Variants in UHRF2 observed in about 807,000 individuals in gnomAD.
The protein encoded by UHRF2 is E3 ubiquitin-protein ligase UHRF2.
UHRF2 carries 23 observed loss-of-function variants against 96.8 expected under a neutral mutation model. The ratio of observed to expected loss-of-function variants is 0.24; its 90% CI spans 0.17 to 0.34. The LOEUF is 0.34. Among genes scored for constraint, UHRF2 ranks in the 10% least tolerant of loss-of-function variants. UHRF2 has a pLI of 1.00. For synonymous variants in UHRF2, 385 were observed against 332.6 expected (o/e 1.16, Z -1.72); for missense variants, 685 against 981.5 (o/e 0.70, Z 4.04).
chr9:6,414,706 C>G (rs1488708772), intron 1 of UHRF2, among the ~76,000 whole-genome samples: 1 of 152,174 alleles, frequency 6.6e-6, no homozygotes, highest in Non-Finnish European at 1.5e-5. Flanking sequence ...CCTACAGTTG[C>G]AAACTACTTA....
chr9:6,434,666 T>G (rs1006680208), intron 3 of UHRF2, among the ~76,000 whole-genome samples: 7 of 152,214 alleles, frequency 4.6e-5, no homozygotes, highest in Non-Finnish European at 8.8e-5. Flanking sequence ...CTCAAACACC[T>G]GACCTCAAGT....
At chr9:6,473,137 C>A (rs997849176) in intron 4 of UHRF2, among the ~76,000 whole-genome samples, 2 of 152,148 alleles carry the variant, frequency 1.3e-5, no homozygotes, top group Non-Finnish European at 2.9e-5. Context: ...AATATCTTGT[C>A]ATGCAAATAA....
intron 12 of UHRF2, 53 bp from the exon 13 acceptor site, chr9:6,499,782 T>G: frequency 1.2e-5 from 14 of 1,175,096 alleles, no homozygotes; most frequent in East Asian, 3.0e-5. Flanking sequence ...TAAACCCCCC[T>G]TCTCTGTGAA....
intron 4 of UHRF2, among the ~76,000 whole-genome samples, chr9:6,461,999 A>T (rs1052445561): frequency 4.7e-4 from 66 of 139,800 alleles, no homozygotes; most frequent in Admixed American, 4.4e-3. Flanking sequence ...TTTGTTTTTA[A>T]AAAAAAAAAA....
chr9:6,461,746 A>C (rs903886991), intron 4 of UHRF2, among the ~76,000 whole-genome samples: 1 of 152,100 alleles, frequency 6.6e-6, no homozygotes, highest in Non-Finnish European at 1.5e-5. Context: ...TATTTGAGTT[A>C]CTTTTTTACA....
chr9:6,463,273 C>G (rs1433331345), intron 4 of UHRF2, among the ~76,000 whole-genome samples: 1 of 86,912 alleles, frequency 1.2e-5, no homozygotes, highest in Non-Finnish European at 2.2e-5. Flanking sequence ...AAGAGTGAAA[C>G]TTCGTCTCAA....
intron 4 of UHRF2, among the ~76,000 whole-genome samples, chr9:6,465,034 G>C (rs760293028): frequency 6.6e-5 from 10 of 152,006 alleles, no homozygotes; most frequent in Non-Finnish European, 1.5e-4. Flanking sequence ...TTACATTTTT[G>C]TTTTGTCTTT....
chr9:6,472,548 C>G (rs1195166295), intron 4 of UHRF2, among the ~76,000 whole-genome samples: 2 of 152,098 alleles, frequency 1.3e-5, no homozygotes, highest in African/African-American at 4.8e-5. Context: ...TTCAGGAGAA[C>G]TAGGTTCAGA....
At chr9:6,441,737 T>C (rs1821178234) in intron 3 of UHRF2, among the ~76,000 whole-genome samples, 1 of 151,354 alleles carries the variant, frequency 6.6e-6, no homozygotes, top group South Asian at 2.1e-4. Context: ...TGTGGCCGGT[T>C]TTTTTTTTCC....
At chr9:6,486,688 A>G (rs1159519678) in intron 8 of UHRF2, 133 bp from the exon 9 acceptor site, 2 of 753,706 alleles carry the variant, frequency 2.7e-6, no homozygotes, top group African/African-American at 1.8e-5. Flanking sequence ...ATTTAAAATG[A>G]GAGAGCAAAA....
At chr9:6,482,763 AT>A (rs1417940700) in intron 8 of UHRF2, among the ~76,000 whole-genome samples, 1 of 151,900 alleles carries the variant, frequency 6.6e-6, no homozygotes, top group Non-Finnish European at 1.5e-5. Context: ...CGCCTGGCTA[AT>A]TTCTTGTATT....
intron 1 of UHRF2, among the ~76,000 whole-genome samples, chr9:6,417,018 A>T (rs1185304492): frequency 6.6e-6 from 1 of 152,100 alleles, no homozygotes; most frequent in Non-Finnish European, 1.5e-5. Context: ...ATTTAAAGGA[A>T]TATCTATGTA....
chr9:6,492,439 A>T, intron 9 of UHRF2: 1 of 867,028 alleles, frequency 1.2e-6, no homozygotes, highest in Non-Finnish European at 1.4e-6. Context: ...TAGAATACAT[A>T]CTAAAGATTA....
At chr9:6,413,861 G>A in intron 1 of UHRF2, 1 of 492,098 alleles carries the variant, frequency 2.0e-6, no homozygotes, top group Non-Finnish European at 3.3e-6. Flanking sequence ...GCGCCGCGCG[G>A]GGTCAGAAGT....
chr9:6,500,157 G>A (rs772736860), intron 13 of UHRF2, among the ~76,000 whole-genome samples: 2 of 152,130 alleles, frequency 1.3e-5, no homozygotes, highest in South Asian at 4.2e-4. Context: ...TTGTAAAGAT[G>A]GGGTTTCTCC....
In UHRF2 at chr9:6,481,783, C is replaced by T; in HGVS notation, c.1284+17C>T. On this transcript the variant is annotated intron_variant, in intron 7 of 15. Coordinates refer to ENST00000276893, the MANE Select transcript of UHRF2 (RefSeq NM_152896.3). ...TGGGGCAGGGTAAAGAAGAAATTCCCCTTTTCTTCCTAATAGCAAGTTATA... is the reference window on the plus strand; with the variant it reads ...TGGGGCAGGGTAAAGAAGAAATTCCTCTTTTCTTCCTAATAGCAAGTTATA... 1.3e-6 allele frequency: 2 copies of T among 1,599,542 alleles called. No individual in the cohort carries two copies. The highest frequency in any genetic ancestry group is 1.7e-6 in the Non-Finnish European group (2 of 1,176,270).
intron 9 of UHRF2, among the ~76,000 whole-genome samples, chr9:6,493,078 A>T (rs2130948570): frequency 6.6e-6 from 1 of 152,238 alleles, no homozygotes; most frequent in Admixed American, 6.5e-5. Context: ...CGGGTGGATC[A>T]CTTGAGACCG....
chr9:6,487,692 G>A (rs1325584618), intron 9 of UHRF2, among the ~76,000 whole-genome samples: 3 of 152,134 alleles, frequency 2.0e-5, no homozygotes, highest in Non-Finnish European at 4.4e-5. Context: ...AGTAGAGCTG[G>A]GGTTTCGCCA....
At position 6,500,276 on chromosome 9, in the gene UHRF2, T is replaced by C. The variant is rs77001149; in HGVS notation, c.2006-276T>C. ...AGCCACTGCATCCAGCCAACATACT[T>C]TTTAATAAAGAGAAATATTAAGAAA... On this transcript the variant is annotated intron_variant, in intron 13 of 15. Transcript: ENST00000276893. Among the ~76,000 whole-genome samples, 1,091 of 152,264 alleles carry C rather than the reference T, an allele frequency of 7.2e-3. 16 individuals are homozygous for C. Among genetic ancestry groups the C allele is most frequent in the African/African-American group, 0.025 (1,020 of 41,544 alleles).
Sources: allele counts gnomAD v4.1 joint callset (sites outside exome capture counted in the v4.1 genomes callset), GRCh38; gene constraint gnomAD v4.1.1; transcripts MANE v1.5; gene names NCBI Gene and HGNC (gene_info 2026-07-23, HGNC 2026-07-21).